The following STAG1 variants were observed in gnomAD, a reference collection of about 807,000 sequenced individuals.
STAG1 encodes the protein cohesin subunit SA-1.
Under a neutral mutation model 170.9 loss-of-function variants are expected in STAG1, and 26 were observed. The ratio of observed to expected loss-of-function variants is 0.15; its 90% CI spans 0.11 to 0.21. The LOEUF (loss-of-function observed/expected upper bound fraction) is 0.21, where lower values mean the gene tolerates loss of function less well. STAG1 is among the 10% of genes least tolerant of loss of function. STAG1 has a pLI of 1.00. For synonymous variants in STAG1, 514 were observed against 497.7 expected, an observed-to-expected ratio of 1.03 and a Z score of -0.44; for missense variants, 964 against 1,509.5, an observed-to-expected ratio of 0.64 and a Z score of 5.99.
chr3:136,599,430 C>T (rs1368772434), intron 4 of STAG1, among the ~76,000 whole-genome samples: 5 of 152,118 alleles, frequency 3.3e-5, no homozygotes, highest in East Asian at 1.9e-4. Context: ...ACTTGGGAGG[C>T]TGAAGCAGGA....
intron 2 of STAG1, among the ~76,000 whole-genome samples, chr3:136,623,940 A>G (rs180946953): frequency 3.3e-5 from 5 of 152,076 alleles, no homozygotes; most frequent in Admixed American, 3.3e-4. Flanking sequence ...ACAGGGCAAT[A>G]CTCTGTCTGA....
At chr3:136,417,754 T>C (rs1014194877) in intron 21 of STAG1, 131 bp downstream of exon 21, 8 of 678,706 alleles carry the variant, frequency 1.2e-5, no homozygotes, top group Non-Finnish European at 2.1e-5. Flanking sequence ...ACTACAGCAA[T>C]AATTCTCTCA....
intron 1 of STAG1, among the ~76,000 whole-genome samples, chr3:136,678,370 CATAAAT>C (rs745956391): frequency 4.0e-5 from 6 of 150,960 alleles, no homozygotes; most frequent in African/African-American, 7.3e-5. Flanking sequence ...TGAAAAAATC[CATAAAT>C]ATAAAGATTT....
At chr3:136,658,694 T>A (rs1425278775) in intron 1 of STAG1, among the ~76,000 whole-genome samples, 1 of 152,240 alleles carries the variant, frequency 6.6e-6, no homozygotes, top group Non-Finnish European at 1.5e-5. Flanking sequence ...AATTATTGAT[T>A]AGTAAATTTC....
Position 136,604,503 on chromosome 3 carries a change from C to T in STAG1, c.133-30G>A, listed in dbSNP as rs767896256. ...AAAAAAGATAAAAAAAGATTCCATTCGATTAGGTTTACTTTGCTTTATATA... is the reference window on the plus strand; with the variant it reads ...AAAAAAGATAAAAAAAGATTCCATTTGATTAGGTTTACTTTGCTTTATATA... On this transcript the variant is annotated intron_variant, in intron 3 of 33. Transcript: ENST00000383202. The T allele has an allele frequency of 1.5e-5, 24 of 1,566,872 alleles. No individual in the cohort carries two copies. In the East Asian group the frequency reaches 1.6e-4, roughly 10 times the overall value.
rs1941222940 is a variant in STAG1 at position 136,651,707 on chromosome 3, A to T, written c.-83-20726T>A. ...AGACCACCTACACAGAGATGATCATATGTAGACTACCAACAGAAAAGAGCT... is the reference window on the plus strand; with the variant it reads ...AGACCACCTACACAGAGATGATCATTTGTAGACTACCAACAGAAAAGAGCT... On this transcript the variant is annotated intron_variant, in intron 1 of 33. Coordinates refer to ENST00000383202, the MANE Select transcript of STAG1 (RefSeq NM_005862.3). Among the ~76,000 whole-genome samples the T allele has an allele frequency of 2.0e-5, 3 of 152,154 alleles. No homozygotes were observed. In the South Asian group the frequency reaches 6.2e-4, roughly 31 times the overall value.
At chr3:136,703,758 C>T (rs1943144328) in intron 1 of STAG1, among the ~76,000 whole-genome samples, 1 of 151,996 alleles carries the variant, frequency 6.6e-6, no homozygotes, top group Admixed American at 6.6e-5. Context: ...ACCTGGAATC[C>T]CAGCACTTTG....
At chr3:136,554,718 C>A (rs1264756165) in intron 5 of STAG1, among the ~76,000 whole-genome samples, 2 of 151,888 alleles carry the variant, frequency 1.3e-5, no homozygotes, top group Non-Finnish European at 2.9e-5. Context: ...AACATAGCAA[C>A]CTTGTCTCTA....
chr3:136,535,932 A>G (rs923704423), intron 6 of STAG1, among the ~76,000 whole-genome samples: 1 of 152,222 alleles, frequency 6.6e-6, no homozygotes, highest in African/African-American at 2.4e-5. Context: ...AATACATCTT[A>G]ATAATAATTA....
At chr3:136,378,228 C>T (rs1180100391) in intron 22 of STAG1, among the ~76,000 whole-genome samples, 1 of 152,302 alleles carries the variant, frequency 6.6e-6, no homozygotes, top group East Asian at 1.9e-4. Context: ...AACATTCTAG[C>T]AGACAGGCCA....
At chr3:136,542,579 C>T (rs1346806565) in intron 5 of STAG1, among the ~76,000 whole-genome samples, 1 of 151,224 alleles carries the variant, frequency 6.6e-6, no homozygotes, top group Non-Finnish European at 1.5e-5. Context: ...CTCTTTGATC[C>T]ACAGATTGTA....
intron 1 of STAG1, among the ~76,000 whole-genome samples, chr3:136,720,192 A>G (rs1254383058): frequency 6.6e-6 from 1 of 152,062 alleles, no homozygotes; most frequent in Non-Finnish European, 1.5e-5. Flanking sequence ...AAAAAAAAAA[A>G]AAATCTTAAG....
chr3:136,445,559 T>C (rs116323751), intron 14 of STAG1, among the ~76,000 whole-genome samples: 2,453 of 152,322 alleles, frequency 0.016, 20 homozygotes, highest in Middle Eastern at 0.044. Context: ...CCTAGCAATA[T>C]AAATGTACTT....
chr3:136,470,998 G>C (rs1477587869), intron 12 of STAG1, among the ~76,000 whole-genome samples: 1 of 121,764 alleles, frequency 8.2e-6, no homozygotes, highest in Non-Finnish European at 1.7e-5. Flanking sequence ...TGGGGGGAGG[G>C]ATAGCATTAG....
chr3:136,539,196 T>A lies in STAG1; in HGVS notation c.471+2923A>T, dbSNP rs1576584585. Among the ~76,000 whole-genome samples the A allele has an allele frequency of 2.0e-5, 3 of 152,160 alleles. No individual in the cohort carries two copies. The East Asian group carries it at 5.8e-4, about 29-fold the overall frequency. On this transcript the variant is annotated intron_variant, in intron 6 of 33. Coordinates refer to ENST00000383202, the MANE Select transcript of STAG1 (RefSeq NM_005862.3). ...ATTGAAACAATTTAGAGACTTTAAC[T>A]TGGGACTGGAGATAATTTGAGCTTT...
At chr3:136,604,531 A>C (rs1576657031) in intron 3 of STAG1, 58 bp from the exon 4 acceptor site, 2 of 1,432,870 alleles carry the variant, frequency 1.4e-6, no homozygotes, top group East Asian at 4.7e-5. Flanking sequence ...TTTATATAAA[A>C]TGATCACTAC....
rs371624890 is a variant in STAG1 at position 136,687,493 on chromosome 3, A to G, written c.-83-56512T>C. Among the ~76,000 whole-genome samples the G allele has an allele frequency of 7.9e-5, 12 of 152,194 alleles. No individual in the cohort carries two copies. The East Asian group carries it at 1.4e-3, about 17-fold the overall frequency. On this transcript the variant is annotated intron_variant, in intron 1 of 33. Coordinates refer to ENST00000383202, the MANE Select transcript of STAG1 (RefSeq NM_005862.3). Reference sequence around the variant, plus strand: ...TATTACGGTGAAGCAGGGAATCTGCATAAGTGGGTCCAAAAACTCGACCTT... The same window carrying G: ...TATTACGGTGAAGCAGGGAATCTGCGTAAGTGGGTCCAAAAACTCGACCTT...
chr3:136,478,612 T>C (rs994723177), intron 9 of STAG1, among the ~76,000 whole-genome samples: 1 of 152,212 alleles, frequency 6.6e-6, no homozygotes, highest in Non-Finnish European at 1.5e-5. Context: ...ATTTTAATGA[T>C]AATTAAGGCA....
intron 21 of STAG1, among the ~76,000 whole-genome samples, chr3:136,407,756 C>A (rs1314022415): frequency 1.3e-5 from 2 of 152,002 alleles, no homozygotes; most frequent in Non-Finnish European, 2.9e-5. Flanking sequence ...GTCACTGTGA[C>A]TGGACTGTAT....
Sources: allele counts gnomAD v4.1 joint callset (sites outside exome capture counted in the v4.1 genomes callset), GRCh38; gene constraint gnomAD v4.1.1; transcripts MANE v1.5; gene names NCBI Gene and HGNC (gene_info 2026-07-23, HGNC 2026-07-21).